Variants in C12orf42 observed in about 807,000 individuals in gnomAD.
The protein encoded by C12orf42 is uncharacterized protein C12orf42.
Under a neutral mutation model 21.6 loss-of-function variants are expected in C12orf42, and 25 were observed. The observed-to-expected ratio is 1.16, with a 90% CI of 0.84 to 1.62. The LOEUF is 1.62. C12orf42 is among the 40% of genes most tolerant of loss of function. The probability of loss-of-function intolerance (pLI) is 0.00; values close to 1 mark genes in which losing one functional copy is unlikely to be tolerated. For missense variants in C12orf42, 483 were observed against 459.3 expected (o/e 1.05, Z -0.47); for synonymous variants, 174 against 175.0 (o/e 0.99, Z 0.05).
At chr12:103,458,997 A>T (rs1214514619) in intron 2 of C12orf42, among the ~76,000 whole-genome samples, 2 of 151,804 alleles carry the variant, frequency 1.3e-5, no homozygotes, top group African/African-American at 4.8e-5. Flanking sequence ...GGGAGATGTG[A>T]GAAAAGACAA....
At chr12:103,318,527 T>C (rs1566070436) in intron 4 of C12orf42, among the ~76,000 whole-genome samples, 1 of 152,224 alleles carries the variant, frequency 6.6e-6, no homozygotes, top group Non-Finnish European at 1.5e-5. Flanking sequence ...GAATTGTTTT[T>C]TGAATTTTTG....
chr12:103,425,390 G>A (rs565536499), intron 2 of C12orf42, among the ~76,000 whole-genome samples: 3 of 152,194 alleles, frequency 2.0e-5, no homozygotes, highest in Non-Finnish European at 2.9e-5. Context: ...CCTCCTGACT[G>A]TGAGATACCT....
chr12:103,181,896 G>GT, the C12orf42 span, among the ~76,000 whole-genome samples: 2 of 152,144 alleles, frequency 1.3e-5, no homozygotes, highest in Non-Finnish European at 2.9e-5. Flanking sequence ...GGGAAATGCC[G>GT]TAAGCTTATA....
At chr12:103,391,729 G>GTA (rs1020070208) in intron 3 of C12orf42, among the ~76,000 whole-genome samples, 6 of 151,102 alleles carry the variant, frequency 4.0e-5, no homozygotes, top group South Asian at 4.2e-4. Context: ...GTGTGTGTGT[G>GTA]TATATATATA....
chr12:103,132,157 G>T, the C12orf42 span, among the ~76,000 whole-genome samples: 6 of 152,126 alleles, frequency 3.9e-5, no homozygotes, highest in Non-Finnish European at 7.3e-5. Flanking sequence ...CCAGCTAGAG[G>T]CATCTGGTAG....
chr12:103,389,368 T>C (rs1036093477), intron 3 of C12orf42, among the ~76,000 whole-genome samples: 10 of 152,216 alleles, frequency 6.6e-5, no homozygotes, highest in African/African-American at 1.9e-4. Flanking sequence ...TTCCCCATCG[T>C]GACATGTATC....
the C12orf42 span, among the ~76,000 whole-genome samples, chr12:103,225,301 G>A: frequency 3.9e-5 from 6 of 152,176 alleles, no homozygotes; most frequent in Non-Finnish European, 5.9e-5. Context: ...GGCTTGTCTG[G>A]TTTTAGGACA....
the C12orf42 span, among the ~76,000 whole-genome samples, chr12:103,507,494 A>C: frequency 7.1e-6 from 1 of 140,624 alleles, no homozygotes; most frequent in African/African-American, 2.6e-5. Context: ...ACATAGTGAT[A>C]CCCCATCTTC....
chr12:103,484,698 A>T (rs1954704306), intron 1 of C12orf42, among the ~76,000 whole-genome samples: 1 of 151,988 alleles, frequency 6.6e-6, no homozygotes, highest in Admixed American at 6.5e-5. Flanking sequence ...TTTTGTTGCC[A>T]TTGCTTTTGG....
intron 4 of C12orf42, among the ~76,000 whole-genome samples, chr12:103,365,637 A>G (rs1272867689): frequency 6.6e-6 from 1 of 152,136 alleles, no homozygotes; most frequent in Non-Finnish European, 1.5e-5. Flanking sequence ...GTTTCAGGAT[A>G]CAAAATTAAT....
intron 10 of C12orf42, among the ~76,000 whole-genome samples, chr12:103,241,724 G>GTAAGACACT (rs899116745): frequency 2.6e-5 from 4 of 152,258 alleles, no homozygotes; most frequent in Middle Eastern, 6.8e-3. Flanking sequence ...CCCAGTCTGA[G>GTAAGACACT]TAAGACACTT....
intron 3 of C12orf42, among the ~76,000 whole-genome samples, chr12:103,377,607 C>G (rs1309978698): frequency 1.3e-5 from 2 of 152,146 alleles, no homozygotes; most frequent in Non-Finnish European, 2.9e-5. Flanking sequence ...CATCCCCGAG[C>G]TGGGAGTCCT....
the C12orf42 span, among the ~76,000 whole-genome samples, chr12:103,089,176 G>T: frequency 3.6e-4 from 54 of 148,618 alleles, no homozygotes; most frequent in East Asian, 7.2e-3. Flanking sequence ...AGATCTTTTG[G>T]CCCTAAACAA....
the C12orf42 span, among the ~76,000 whole-genome samples, chr12:103,127,858 T>G: frequency 6.6e-6 from 1 of 152,202 alleles, no homozygotes; most frequent in Non-Finnish European, 1.5e-5. Flanking sequence ...CTTTGCTCCT[T>G]TATATTTTTA....
chr12:103,327,364 A>G (rs910303446), intron 4 of C12orf42, among the ~76,000 whole-genome samples: 1 of 152,240 alleles, frequency 6.6e-6, no homozygotes, highest in Non-Finnish European at 1.5e-5. Context: ...TTAAACCTGA[A>G]TTTCAGAAAA....
At chr12:103,429,097 C>T (rs1362397312) in intron 2 of C12orf42, among the ~76,000 whole-genome samples, 3 of 152,210 alleles carry the variant, frequency 2.0e-5, no homozygotes, top group East Asian at 3.9e-4. Context: ...CAATTCAACA[C>T]AGCATTGGAA....
At position 103,464,909 on chromosome 12, in the gene C12orf42, T is replaced by C. The variant is rs187883182; in HGVS notation, c.78+13440A>G. ...AGTCTTATTTCTGAGATCTCTATTC[T>C]GTTACATTGGTCTATGTGTCTGTTT... On this transcript the variant is annotated intron_variant, in intron 2 of 5. Coordinates refer to ENST00000548883, the MANE Select transcript of C12orf42 (RefSeq NM_198521.5). Among the ~76,000 whole-genome samples the C allele has an allele frequency of 3.5e-4, 54 of 152,340 alleles. No individual in the cohort carries two copies. The East Asian group carries it at 9.1e-3, about 26-fold the overall frequency.
At chr12:103,439,008 T>C (rs1181951589) in intron 2 of C12orf42, among the ~76,000 whole-genome samples, 1 of 152,066 alleles carries the variant, frequency 6.6e-6, no homozygotes, top group Non-Finnish European at 1.5e-5. Flanking sequence ...CTTCAAACTA[T>C]ACTACAAGGC....
At chr12:103,422,961 C>T (rs1001683050) in intron 2 of C12orf42, among the ~76,000 whole-genome samples, 1 of 152,180 alleles carries the variant, frequency 6.6e-6, no homozygotes, top group African/African-American at 2.4e-5. Context: ...GTTACTGTTG[C>T]CAGGGGACAC....
Sources: allele counts gnomAD v4.1 joint callset (sites outside exome capture counted in the v4.1 genomes callset), GRCh38; gene constraint gnomAD v4.1.1; transcripts MANE v1.5; gene names NCBI Gene and HGNC (gene_info 2026-07-23, HGNC 2026-07-21).